The following FAM171B variants were observed in gnomAD, a reference collection of about 807,000 sequenced individuals.
The protein encoded by FAM171B is protein FAM171B.
In FAM171B, 19 loss-of-function variants were observed where a neutral mutation model predicts 75.6. That is an observed-to-expected ratio of 0.25 (90% confidence interval 0.18 to 0.37). The LOEUF (loss-of-function observed/expected upper bound fraction) is 0.37. Among genes scored for constraint, FAM171B ranks in the 10% least tolerant of loss-of-function variants. The probability of loss-of-function intolerance (pLI) is 1.00; values close to 1 mark genes in which losing one functional copy is unlikely to be tolerated. For missense variants in FAM171B, 848 were observed against 982.4 expected (o/e 0.86, Z 1.83); for synonymous variants, 367 against 361.7 (o/e 1.01, Z -0.17).
chr2:186,748,801 AAACT>A (rs2105788983), intron 4 of FAM171B, among the ~76,000 whole-genome samples: 1 of 152,290 alleles, frequency 6.6e-6, no homozygotes, highest in African/African-American at 2.4e-5. Flanking sequence ...TGAGGAAGCC[AAACT>A]AAGACATCAG....
At chr2:186,715,606 T>C (rs1574099901) in intron 1 of FAM171B, among the ~76,000 whole-genome samples, 2 of 152,358 alleles carry the variant, frequency 1.3e-5, no homozygotes, top group South Asian at 4.1e-4. Context: ...TTAAAAGTGC[T>C]GTGGGAACTC....
chr2:186,725,612 A>G (rs746507603), intron 1 of FAM171B, among the ~76,000 whole-genome samples: 2 of 152,088 alleles, frequency 1.3e-5, no homozygotes, highest in Non-Finnish European at 2.9e-5. Flanking sequence ...TTTTGTCTTC[A>G]CAGAGGAGCG....
At chr2:186,724,079 A>G in intron 1 of FAM171B, among the ~76,000 whole-genome samples, 1 of 152,174 alleles carries the variant, frequency 6.6e-6, no homozygotes, top group East Asian at 1.9e-4. Flanking sequence ...GAAAAATATT[A>G]TGGAAAAAAT....
intron 1 of FAM171B, among the ~76,000 whole-genome samples, chr2:186,696,614 C>G (rs945324519): frequency 6.7e-6 from 1 of 150,156 alleles, no homozygotes. Context: ...AGCCCTTACC[C>G]TAACTCTCTC....
chr2:186,747,035 T>A (rs1239892429), intron 3 of FAM171B, 57 bp from the exon 4 acceptor site: 1 of 1,327,918 alleles, frequency 7.5e-7, no homozygotes, highest in Non-Finnish European at 1.0e-6. Flanking sequence ...TCCTGACCAA[T>A]GCTGCTATGC....
intron 7 of FAM171B, 29 bp downstream of exon 7, chr2:186,761,265 C>CGA (rs1299253324): frequency 6.2e-7 from 1 of 1,608,670 alleles, no homozygotes; most frequent in African/African-American, 1.3e-5. Context: ...ACACAGAAAA[C>CGA]TATCAAGTTA....
chr2:186,704,663 T>C (rs562417834), intron 1 of FAM171B, among the ~76,000 whole-genome samples: 2 of 152,348 alleles, frequency 1.3e-5, no homozygotes, highest in Non-Finnish European at 2.9e-5. Flanking sequence ...GTTGAGCTTG[T>C]TCATAATCTA....
rs375523375 is a variant in FAM171B, at chr2:186,761,099, A to G, written c.1013-14A>G. The G allele has an allele frequency of 6.1e-5, 97 of 1,596,026 alleles. No individual in the cohort carries two copies. The African/African-American group carries it at 1.2e-3, about 20-fold the overall frequency. On this transcript the variant is annotated splice_polypyrimidine_tract_variant and intron_variant, in intron 6 of 7. Coordinates refer to ENST00000304698, the MANE Select transcript of FAM171B (RefSeq NM_177454.4). Reference sequence around the variant, plus strand: ...AAAATAACATTTTCTCTTTGTTTATATTGAACCATGTAGGTTCAGGTATAA... The same window carrying G: ...AAAATAACATTTTCTCTTTGTTTATGTTGAACCATGTAGGTTCAGGTATAA...
At chr2:186,694,462 T>C (rs753075424) in intron 1 of FAM171B, 51 bp downstream of exon 1, 8 of 1,564,574 alleles carry the variant, frequency 5.1e-6, no homozygotes, top group Non-Finnish European at 6.9e-6. Flanking sequence ...GGCGATCTCT[T>C]AGGGCCTCGC....
Position 186,762,346 on chromosome 2 carries a change from G to T in FAM171B, c.2004G>T (p.Pro668=). The T allele has an allele frequency of 1.9e-6, 3 of 1,613,618 alleles. No individual in the cohort carries two copies. Among genetic ancestry groups the T allele is most frequent in the Admixed American group, 1.7e-5 (1 of 59,944 alleles). ...LLELSKGKPS[P]HPRAWFVSLD... ...AGCTGTCCAAAGGAAAGCCCTCCCC[G>T]CATCCCAGAGCCTGGTTTGTGTCTC... Residue 668 remains proline, a synonymous_variant, in exon 8 of 8, where the codon CCG becomes CCT. Transcript: ENST00000304698. The surrounding 1 kb of genome is among the most constrained non-coding windows in gnomAD (Gnocchi z 4.0).
In FAM171B at chr2:186,762,691, A is replaced by G; in HGVS notation, c.2349A>G (p.Lys783=). ...EHPGEESPGR[K]STVEDFEANT... ...CTGGAGAAGAGTCGCCAGGAAGGAAAAGCACTGTTGAAGATTTTGAAGCTA... is the reference window on the plus strand; with the variant it reads ...CTGGAGAAGAGTCGCCAGGAAGGAAGAGCACTGTTGAAGATTTTGAAGCTA... Residue 783 remains lysine, a synonymous_variant, in exon 8 of 8, where the codon AAA becomes AAG. Transcript: ENST00000304698. The surrounding 1 kb of genome is among the most constrained non-coding windows in gnomAD (Gnocchi z 4.0). 1 of 1,613,226 alleles carries G rather than the reference A, an allele frequency of 6.2e-7. No homozygotes were observed. Among genetic ancestry groups the G allele is most frequent in the African/African-American group, 1.3e-5 (1 of 74,900 alleles).
intron 6 of FAM171B, among the ~76,000 whole-genome samples, chr2:186,758,443 G>A (rs959592017): frequency 6.6e-6 from 1 of 152,136 alleles, no homozygotes; most frequent in African/African-American, 2.4e-5. Flanking sequence ...AGTGTCCTCA[G>A]TGCAGGTGGG....
In FAM171B at chr2:186,694,198, C is replaced by G. The variant is rs768893175; in HGVS notation, c.25C>G (p.Pro9Ala). Reference sequence around the variant, plus strand: ...CATGGCGAGGCTCTGCCGGCGTGTCCCCTGCACCCTGCTTCTCGGCCTGGC... The same window carrying G: ...CATGGCGAGGCTCTGCCGGCGTGTCGCCTGCACCCTGCTTCTCGGCCTGGC... The part of the protein sequence containing the change: MARLCRRV[P>A]CTLLLGLAVV... Residue 9 changes from proline (P) to alanine (A), a missense_variant, in exon 1 of 8, where the codon CCC becomes GCC. Pro to Ala is a conservative substitution (Grantham distance 27, BLOSUM62 -1). This residue lies in a region of FAM171B where 665 missense variants were observed against 729.0 expected (regional missense o/e 0.91). Transcript: ENST00000304698. 2 of 1,605,532 alleles carry G rather than the reference C, an allele frequency of 1.2e-6. No homozygotes were observed. Among genetic ancestry groups the G allele is most frequent in the Non-Finnish European group, 1.7e-6 (2 of 1,179,574 alleles).
chr2:186,744,399 G>A (rs1690337068), intron 3 of FAM171B, among the ~76,000 whole-genome samples: 1 of 152,056 alleles, frequency 6.6e-6, no homozygotes, highest in African/African-American at 2.4e-5. Context: ...TATTCAACCA[G>A]AAAATTTACT....
intron 3 of FAM171B, among the ~76,000 whole-genome samples, chr2:186,744,758 C>T (rs1010173569): frequency 6.6e-6 from 1 of 151,122 alleles, no homozygotes; most frequent in Non-Finnish European, 1.5e-5. Flanking sequence ...AACTCCTGAC[C>T]TCTGGTGATC....
intron 1 of FAM171B, among the ~76,000 whole-genome samples, chr2:186,735,027 G>T (rs1257381544): frequency 6.6e-6 from 1 of 152,220 alleles, no homozygotes. Context: ...GGATGCTGGG[G>T]TCTGCAGCTG....
At position 186,761,522 on chromosome 2, in the gene FAM171B, A is replaced by G. The variant is rs980620867; in HGVS notation, c.1180A>G (p.Lys394Glu). Residue 394 changes from lysine (K) to glutamate (E), a missense_variant, in exon 8 of 8, where the codon AAA becomes GAA. Physicochemically the swap from Lys to Glu is moderately conservative, Grantham distance 56. This residue lies in a region of FAM171B where 665 missense variants were observed against 729.0 expected (regional missense o/e 0.91). Coordinates refer to ENST00000304698, the MANE Select transcript of FAM171B (RefSeq NM_177454.4). The part of the protein sequence containing the change: ...TPQKRERNIT[K>E]LEVLKRDQTT... ...ACAGAAAAGAGAAAGAAATATCACT[A>G]AACTTGAGGTCCTCAAGAGAGACCA... is the stretch of plus-strand genomic sequence containing the variant. The G allele has an allele frequency of 5.0e-6, 8 of 1,590,480 alleles. No individual in the cohort carries two copies. The highest frequency in any genetic ancestry group is 6.0e-6 in the Non-Finnish European group (7 of 1,173,472).
At chr2:186,744,955 C>CA (rs1236992676) in intron 3 of FAM171B, among the ~76,000 whole-genome samples, 2 of 151,944 alleles carry the variant, frequency 1.3e-5, no homozygotes, top group Non-Finnish European at 2.9e-5. Flanking sequence ...CTCAGCCTCC[C>CA]AAGTAGCTGA....
At chr2:186,754,467 C>T (rs914721166) in intron 6 of FAM171B, among the ~76,000 whole-genome samples, 3 of 152,170 alleles carry the variant, frequency 2.0e-5, no homozygotes, top group Non-Finnish European at 2.9e-5. Flanking sequence ...GGCAGGACTC[C>T]TTGCCGTGCC....
Sources: allele counts gnomAD v4.1 joint callset (sites outside exome capture counted in the v4.1 genomes callset), GRCh38; gene constraint gnomAD v4.1.1; regional missense constraint gnomAD v4.1.1; non-coding constraint Gnocchi (gnomAD v3.1); transcripts MANE v1.5; gene names NCBI Gene and HGNC (gene_info 2026-07-23, HGNC 2026-07-21).